Variants in ERMP1 observed in about 807,000 individuals in gnomAD.
ERMP1 encodes the protein Felix-ina.
ERMP1 carries 86 observed loss-of-function variants against 92.0 expected under a neutral mutation model. The observed-to-expected ratio is 0.93, with a 90% CI of 0.79 to 1.12. The LOEUF (loss-of-function observed/expected upper bound fraction) is 1.12, where lower values mean the gene tolerates loss of function less well. Among genes scored for constraint, ERMP1 ranks in the 50% most tolerant of loss-of-function variants. ERMP1 has a pLI of 0.00. For missense variants in ERMP1, 1,342 were observed against 1,116.3 expected, an observed-to-expected ratio of 1.20 and a Z score of -2.88; for synonymous variants, 530 against 412.8, an observed-to-expected ratio of 1.28 and a Z score of -3.44.
At position 5,825,231 on chromosome 9, in the gene ERMP1, A is replaced by G. The variant is rs1829689065; in HGVS notation, c.641-12T>C. 2 of 1,604,306 alleles carry G rather than the reference A, an allele frequency of 1.2e-6. No homozygotes were observed. Among genetic ancestry groups the G allele is most frequent in the East Asian group, 4.5e-5 (2 of 44,842 alleles). ...ATCATCACTGGCACCTTCAAATCAG[A>G]AAAACAAATTTGCTGCTCAGATTTT... is the stretch of plus-strand genomic sequence containing the variant. On this transcript the variant is annotated splice_polypyrimidine_tract_variant and intron_variant, in intron 2 of 14. Transcript: ENST00000339450.
chr9:5,810,939 CTA>C (rs1339391878), intron 7 of ERMP1, among the ~76,000 whole-genome samples, 170 bp downstream of exon 7: 1 of 151,894 alleles, frequency 6.6e-6, no homozygotes, highest in Non-Finnish European at 1.5e-5. Flanking sequence ...TTCACCAAGA[CTA>C]AAAGTAAAAT....
chr9:5,834,035 G>A (rs558510811), upstream of ERMP1, among the ~76,000 whole-genome samples: 10 of 152,258 alleles, frequency 6.6e-5, no homozygotes, highest in South Asian at 1.2e-3. Flanking sequence ...GCACACTGCC[G>A]GATTTTGACT....
intron 11 of ERMP1, among the ~76,000 whole-genome samples, chr9:5,799,924 A>G (rs1173949979): frequency 8.5e-5 from 13 of 152,256 alleles, no homozygotes; most frequent in Non-Finnish European, 2.9e-5. Context: ...TACAAATTGT[A>G]AAATCTCACA....
chr9:5,863,362 C>A (rs1261446502), intron 5 of ERMP1, among the ~76,000 whole-genome samples: 1 of 152,190 alleles, frequency 6.6e-6, no homozygotes, highest in African/African-American at 2.4e-5. Flanking sequence ...CTTTCCATCA[C>A]CACAACATTC....
intron 13 of ERMP1, among the ~76,000 whole-genome samples, chr9:5,795,342 T>A (rs147124594): frequency 3.9e-5 from 6 of 152,320 alleles, no homozygotes; most frequent in African/African-American, 1.4e-4. Context: ...AAGGCAAAGA[T>A]GTCCCCTCTC....
At chr9:5,791,307 G>C in intron 13 of ERMP1, 1 of 456,402 alleles carries the variant, frequency 2.2e-6, no homozygotes, top group Non-Finnish European at 4.4e-6. Context: ...CACAGTATGA[G>C]ACTGAAGGCA....
intron 10 of ERMP1, among the ~76,000 whole-genome samples, chr9:5,803,484 C>A (rs1828750538): frequency 1.3e-5 from 2 of 152,178 alleles, no homozygotes; most frequent in South Asian, 4.1e-4. Context: ...GTTCATTTTG[C>A]CCCCTTTCAT....
chr9:5,828,814 G>A (rs1009723976), intron 2 of ERMP1, among the ~76,000 whole-genome samples: 1 of 152,168 alleles, frequency 6.6e-6, no homozygotes, highest in South Asian at 2.1e-4. Context: ...TACATTTGCT[G>A]CTAATTCTTG....
intron 2 of ERMP1, among the ~76,000 whole-genome samples, chr9:5,827,647 G>A (rs1489982834): frequency 4.0e-5 from 6 of 150,798 alleles, no homozygotes; most frequent in African/African-American, 1.5e-4. Flanking sequence ...AGATCACGAG[G>A]TCAGGAGATT....
At position 5,832,913 on chromosome 9, in the gene ERMP1, G is replaced by C. The variant is rs1418058343; in HGVS notation, c.115C>G (p.Leu39Val). The C allele has an allele frequency of 1.9e-6, 3 of 1,561,424 alleles. No individual in the cohort carries two copies. The highest frequency in any genetic ancestry group is 1.7e-4 in the Middle Eastern group (1 of 5,926). Residue 39 changes from leucine to valine, a missense_variant, in exon 1 of 15, where the codon CTG (leucine) becomes GTG (valine). Leu to Val is a conservative substitution (Grantham distance 32). Transcript: ENST00000339450. ...CCGCCGCCGCTGCACCCATCCACCAGAGGCTCCTGCGCTCGGGCCTCCCTC... is the reference window on the plus strand; with the variant it reads ...CCGCCGCCGCTGCACCCATCCACCACAGGCTCCTGCGCTCGGGCCTCCCTC... ...PEREARAQEPLVDGCSGGGRT... is the reference protein window; with the variant it reads ...PEREARAQEPVVDGCSGGGRT...
intron 2 of ERMP1, among the ~76,000 whole-genome samples, chr9:5,827,820 A>C (rs1172068865): frequency 6.6e-6 from 1 of 151,954 alleles, no homozygotes; most frequent in Non-Finnish European, 1.5e-5. Flanking sequence ...GTCTCAAAAA[A>C]AAAAAAAATT....
intron 2 of ERMP1, among the ~76,000 whole-genome samples, chr9:5,828,695 G>A (rs887394997): frequency 6.6e-6 from 1 of 152,144 alleles, no homozygotes; most frequent in African/African-American, 2.4e-5. Flanking sequence ...AAGTGCATGT[G>A]TTAATAAACT....
intron 13 of ERMP1, among the ~76,000 whole-genome samples, chr9:5,790,742 G>A (rs779792674): frequency 6.6e-6 from 1 of 152,182 alleles, no homozygotes; most frequent in Non-Finnish European, 1.5e-5. Context: ...CTATGCATCA[G>A]ATAACATAGC....
intron 4 of ERMP1, among the ~76,000 whole-genome samples, chr9:5,813,812 T>A (rs1438940952): frequency 6.6e-6 from 1 of 150,396 alleles, no homozygotes; most frequent in Non-Finnish European, 1.5e-5. Flanking sequence ...CTTTTTCAAA[T>A]GGGAGTTTTT....
rs940141719 is a variant in ERMP1 at position 5,785,071 on chromosome 9, C to A, written c.*2073G>T. 6.6e-6 allele frequency: 1 copy of A among 152,022 alleles called. No homozygotes were observed. Among genetic ancestry groups the A allele is most frequent in the African/African-American group, 2.4e-5 (1 of 41,364 alleles). The allele number at this position is 152,022 out of a possible 1,614,324, so 9.4% of individuals were successfully genotyped here. On this transcript the variant is annotated 3_prime_UTR_variant, in exon 15 of 15. Transcript: ENST00000339450. ...TGACCATTTCTGGCATTTAAATGAC[C>A]TCCCAGAATATTACACAAGCCCTGA...
At chr9:5,852,467 G>A (rs1235869520) in intron 6 of ERMP1, among the ~76,000 whole-genome samples, 1 of 151,758 alleles carries the variant, frequency 6.6e-6, no homozygotes. Context: ...TGTTGCCCAG[G>A]CTGGTCTCGA....
chr9:5,834,060 G>C (rs150702944), upstream of ERMP1, among the ~76,000 whole-genome samples: 8 of 152,310 alleles, frequency 5.3e-5, no homozygotes, highest in East Asian at 1.5e-3. Flanking sequence ...ACATATGTCA[G>C]ATTTCATACA....
chr9:5,867,014 G>A (rs1489211249), intron 5 of ERMP1, among the ~76,000 whole-genome samples: 1 of 152,156 alleles, frequency 6.6e-6, no homozygotes, highest in Admixed American at 6.5e-5. Flanking sequence ...GAGCAACATG[G>A]TGAGACCCCA....
chr9:5,858,440 C>G (rs568570323), intron 6 of ERMP1, among the ~76,000 whole-genome samples: 1 of 152,164 alleles, frequency 6.6e-6, no homozygotes, highest in Non-Finnish European at 1.5e-5. Context: ...TTCCAGAGCT[C>G]CTGGCTCACT....
Sources: allele counts gnomAD v4.1 joint callset (sites outside exome capture counted in the v4.1 genomes callset), GRCh38; gene constraint gnomAD v4.1.1; transcripts MANE v1.5; gene names NCBI Gene and HGNC (gene_info 2026-07-23, HGNC 2026-07-21).